The following OXNAD1 variants were observed in gnomAD, a reference collection of about 807,000 sequenced individuals.
OXNAD1 encodes oxidoreductase NAD-binding domain-containing protein 1.
OXNAD1 carries 34 observed loss-of-function variants against 32.9 expected under a neutral mutation model. The ratio of observed to expected loss-of-function variants is 1.03; its 90% CI spans 0.79 to 1.38. The LOEUF (loss-of-function observed/expected upper bound fraction) is 1.38. Among genes scored for constraint, OXNAD1 ranks in the 40% most tolerant of loss-of-function variants. The pLI is 0.00. For synonymous variants in OXNAD1, 134 were observed against 135.2 expected (o/e 0.99, Z 0.06); for missense variants, 407 against 379.4 (o/e 1.07, Z -0.60).
At chr3:16,292,231 G>T (rs532489219) in intron 5 of OXNAD1, among the ~76,000 whole-genome samples, 4 of 142,124 alleles carry the variant, frequency 2.8e-5, no homozygotes, top group South Asian at 2.2e-4. Context: ...TCACTCTGTC[G>T]CCCAGGCTGG....
In OXNAD1 at chr3:16,294,880, C is replaced by G; in HGVS notation, c.315C>G (p.Val105=). The change falls in exon 6 of 9, where the codon GTC becomes GTG. Residue 105 remains valine, a synonymous_variant. Coordinates refer to ENST00000285083, the MANE Select transcript of OXNAD1 (RefSeq NM_138381.5). ...GQWVDFFIPG[V]SVVGGFSICS... The stretch of plus-strand genomic sequence containing the variant: ...GGGTTGATTTCTTTATTCCAGGAGT[C>G]TCTGTGGTTGGTGGGTTTTCAATAT... The G allele has an allele frequency of 3.1e-6, 5 of 1,612,674 alleles. No individual in the cohort carries two copies. The highest frequency in any genetic ancestry group is 3.4e-6 in the Non-Finnish European group (4 of 1,179,330).
intron 4 of OXNAD1, among the ~76,000 whole-genome samples, chr3:16,281,895 CTTT>C (rs1213407558): frequency 9.0e-6 from 1 of 110,522 alleles, no homozygotes; most frequent in Non-Finnish European, 1.9e-5. Context: ...AATAACATTT[CTTT>C]TTTTTTTTTT....
rs1212832018 is a variant in OXNAD1, at chr3:16,342,410, T to C, written c.*31-6766T>C. 6.6e-6 allele frequency among the ~76,000 whole-genome samples: 1 copy of C among 152,280 alleles called. No individual in the cohort carries two copies. Among genetic ancestry groups the C allele is most frequent in the Non-Finnish European group, 1.5e-5 (1 of 68,052 alleles). On this transcript the variant is annotated intron_variant, in intron 9 of 9. Transcript: ENST00000606098. The surrounding 1 kb of genome is among the most constrained non-coding windows in gnomAD (Gnocchi z 4.0). ...GCAAAATAATATTCCATCATATGGA[T>C]ATACCATAGTTTATTCATCATTTGA...
At chr3:16,279,242 C>T (rs541824129) in intron 4 of OXNAD1, among the ~76,000 whole-genome samples, 69 of 152,194 alleles carry the variant, frequency 4.5e-4, no homozygotes, top group African/African-American at 1.6e-3. Flanking sequence ...ATCTGGGGGG[C>T]TGGACTGCAG....
chr3:16,295,941 T>C (rs1054094982), intron 6 of OXNAD1, among the ~76,000 whole-genome samples: 1 of 152,230 alleles, frequency 6.6e-6, no homozygotes, highest in African/African-American at 2.4e-5. Context: ...TTTGGGTTTC[T>C]GTAGGAGCCA....
At chr3:16,279,365 G>GAAAGCTCAATTAA (rs1444276412) in intron 4 of OXNAD1, among the ~76,000 whole-genome samples, 2 of 152,160 alleles carry the variant, frequency 1.3e-5, no homozygotes, top group Non-Finnish European at 2.9e-5. Flanking sequence ...AAGAAAGGGA[G>GAAAGCTCAATTAA]GCTCCTTGGG....
chr3:16,306,549 TTTAA>T (rs61079348), downstream of OXNAD1, among the ~76,000 whole-genome samples: 102,270 of 151,358 alleles, frequency 0.68, 35,392 homozygotes, highest in African/African-American at 0.83. Flanking sequence ...TGTCTTTTAT[TTTAA>T]TTAATTAATG....
chr3:16,302,545 T>G lies in OXNAD1; in HGVS notation c.676-95T>G. 1.3e-6 allele frequency: 1 copy of G among 792,984 alleles called. No individual in the cohort carries two copies. The allele number at this position is 792,984 out of a possible 1,614,324, so 49.1% of individuals were successfully genotyped here. A position where few individuals can be genotyped will look rare whatever the true frequency, so the allele number is the denominator to read the frequency against. On this transcript the variant is annotated intron_variant, in intron 7 of 8. Coordinates refer to ENST00000285083, the MANE Select transcript of OXNAD1 (RefSeq NM_138381.5). The surrounding 1 kb of genome is among the most constrained non-coding windows in gnomAD (Gnocchi z 4.2). Reference sequence around the variant, plus strand: ...GTAGAGAGCGAGAGCGGCAGACGTGTGCAGAATGGGAGTTGAGGTTCAGCG... The same window carrying G: ...GTAGAGAGCGAGAGCGGCAGACGTGGGCAGAATGGGAGTTGAGGTTCAGCG...
intron 5 of OXNAD1, among the ~76,000 whole-genome samples, chr3:16,292,860 C>T (rs1191896465): frequency 1.3e-5 from 2 of 152,164 alleles, no homozygotes; most frequent in Non-Finnish European, 2.9e-5. Context: ...CTGGACATTC[C>T]GTTCTTTTCC....
intron 1 of OXNAD1, among the ~76,000 whole-genome samples, chr3:16,267,340 A>G (rs2064598793): frequency 6.6e-6 from 1 of 152,148 alleles, no homozygotes; most frequent in African/African-American, 2.4e-5. Flanking sequence ...AAAAATATAA[A>G]TTAGGTCTTG....
At chr3:16,351,556 C>G (rs1315531908), downstream of OXNAD1, among the ~76,000 whole-genome samples, 1 of 152,196 alleles carries the variant, frequency 6.6e-6, no homozygotes, top group Non-Finnish European at 1.5e-5. This position sits in a 1 kb window ranked among gnomAD's most constrained non-coding sequence, Gnocchi z 5.4. Flanking sequence ...AGCCATTCTA[C>G]CTGAGGCTGT....
chr3:16,278,095 A>G (rs1393790183), intron 4 of OXNAD1, among the ~76,000 whole-genome samples: 2 of 152,146 alleles, frequency 1.3e-5, no homozygotes, highest in Non-Finnish European at 2.9e-5. Context: ...GCAGTGAAAG[A>G]ATTTCTTAAA....
chr3:16,344,330 GTTTT>G lies in OXNAD1; in HGVS notation c.*31-4837_*31-4834del, dbSNP rs11425499. ...GTGGATTAGATCAGTAATTTTCAAG[GTTTT>G]TTTTTTTTAATTAGTAGGATGCTTC... On this transcript the variant is annotated intron_variant, in intron 9 of 9. Coordinates refer to the OXNAD1 transcript ENST00000606098. The surrounding 1 kb of genome is among the most constrained non-coding windows in gnomAD (Gnocchi z 4.4). 6.8e-6 allele frequency among the ~76,000 whole-genome samples: 1 copy of G among 147,372 alleles called. No homozygotes were observed. The highest frequency in any genetic ancestry group is 1.5e-5 in the Non-Finnish European group (1 of 66,574).
intron 9 of OXNAD1, among the ~76,000 whole-genome samples, chr3:16,343,356 C>T (rs2071434010): frequency 6.6e-6 from 1 of 152,228 alleles, no homozygotes; most frequent in Non-Finnish European, 1.5e-5. Context: ...TAGTTTTTCC[C>T]TTACAATCAA....
At chr3:16,281,386 G>T (rs1381638561) in intron 4 of OXNAD1, among the ~76,000 whole-genome samples, 1 of 152,126 alleles carries the variant, frequency 6.6e-6, no homozygotes, top group Non-Finnish European at 1.5e-5. Flanking sequence ...AATCTGAAAT[G>T]CTCCAAAATC....
Position 16,335,954 on chromosome 3 carries a change from G to A in OXNAD1, c.*31-1158G>A, listed in dbSNP as rs544359363. Among the ~76,000 whole-genome samples the A allele has an allele frequency of 1.3e-4, 20 of 152,346 alleles. No individual in the cohort carries two copies. Among genetic ancestry groups the A allele is most frequent in the African/African-American group, 4.6e-4 (19 of 41,586 alleles). The stretch of plus-strand genomic sequence containing the variant: ...TGGTGGCAGCTGCTAGTGCAGAGGA[G>A]GCAGAGCATGCTGGCGCCTTCTCAG... On this transcript the variant is annotated intron_variant, in intron 9 of 9. Coordinates refer to the OXNAD1 transcript ENST00000435829. The surrounding 1 kb of genome is among the most constrained non-coding windows in gnomAD (Gnocchi z 4.7).
intron 4 of OXNAD1, among the ~76,000 whole-genome samples, chr3:16,276,915 T>A (rs2065372014): frequency 7.4e-6 from 1 of 134,950 alleles, no homozygotes; most frequent in Non-Finnish European, 1.6e-5. Context: ...CTGTTTCTTT[T>A]TCTTTCTTTC....
chr3:16,305,563 C>T lies in OXNAD1; in HGVS notation c.*2001C>T, dbSNP rs942262879. 1.8e-4 allele frequency: 27 copies of T among 152,238 alleles called. No individual in the cohort carries two copies. Among genetic ancestry groups the T allele is most frequent in the African/African-American group, 6.5e-4 (27 of 41,442 alleles). The allele number at this position is 152,238 out of a possible 1,614,324, so 9.4% of individuals were successfully genotyped here. ...AGAATGTCCTCTTGCTCTTGCCTGC[C>T]AGGCCTGTCCAGATCTTTTTGGTAC... On this transcript the variant is annotated 3_prime_UTR_variant, in exon 9 of 9. Coordinates refer to ENST00000285083, the MANE Select transcript of OXNAD1 (RefSeq NM_138381.5). This position sits in a 1 kb window ranked among gnomAD's most constrained non-coding sequence, Gnocchi z 4.5.
chr3:16,345,852 GTGTA>G lies in OXNAD1; in HGVS notation c.*31-3320_*31-3317del, dbSNP rs1559843958. The stretch of plus-strand genomic sequence containing the variant: ...CGTGCGCGCACGCGCACATGTGCAT[GTGTA>G]TGTGTATAATCTCCTACTGGTTCTG... On this transcript the variant is annotated intron_variant, in intron 9 of 9. Transcript: ENST00000606098. The surrounding 1 kb of genome is among the most constrained non-coding windows in gnomAD (Gnocchi z 5.2). Among the ~76,000 whole-genome samples, 2 of 38,650 alleles carry G rather than the reference GTGTA, an allele frequency of 5.2e-5. No individual in the cohort carries two copies. Among genetic ancestry groups the G allele is most frequent in the Non-Finnish European group, 9.5e-5 (2 of 20,978 alleles). 25.4% of individuals were successfully genotyped at this position (38,650 alleles called of 152,430 possible).
Sources: gnomAD v4.1 joint callset for allele counts (sites outside exome capture counted in the v4.1 genomes callset) on GRCh38, gnomAD v4.1.1 for gene constraint, Gnocchi (gnomAD v3.1) non-coding constraint, MANE v1.5 for transcripts, NCBI Gene and HGNC (gene_info 2026-07-23, HGNC 2026-07-21) for gene names.